G2E3: variants seen among roughly 807,000 people sequenced by gnomAD.
The protein encoded by G2E3 is G2/M-phase specific E3 ubiquitin protein ligase.
A neutral mutation model predicts 92.8 loss-of-function variants in G2E3; 35 were observed. The ratio of observed to expected loss-of-function variants is 0.38; its 90% CI spans 0.29 to 0.50. The LOEUF (loss-of-function observed/expected upper bound fraction) is 0.50, where lower values mean the gene tolerates loss of function less well. G2E3 is among the 20% of genes least tolerant of loss of function. The probability of loss-of-function intolerance (pLI) is 0.94; values close to 1 mark genes in which losing one functional copy is unlikely to be tolerated. For synonymous variants in G2E3, 242 were observed against 272.4 expected (o/e 0.89, Z 1.10); for missense variants, 554 against 823.8 (o/e 0.67, Z 4.01).
At chr14:30,615,221 T>C (rs1882258616) in intron 13 of G2E3, 128 bp from the exon 14 acceptor site, 1 of 545,560 alleles carries the variant, frequency 1.8e-6, no homozygotes, top group African/African-American at 1.9e-5. Context: ...TTGTGGGGGT[T>C]TTTTGGTTGT....
At chr14:30,580,807 C>T in intron 1 of G2E3, 1 of 363,006 alleles carries the variant, frequency 2.8e-6, no homozygotes, top group South Asian at 3.2e-5. Flanking sequence ...GCAAGATGTC[C>T]TATAATCCTG....
intron 2 of G2E3, among the ~76,000 whole-genome samples, chr14:30,583,838 TTG>T (rs1880563821): frequency 1.3e-5 from 2 of 152,212 alleles, no homozygotes; most frequent in Admixed American, 6.5e-5. Flanking sequence ...AGTTGTATTT[TTG>T]TGTGTGTTGG....
At chr14:30,564,307 C>CT in intron 1 of G2E3, among the ~76,000 whole-genome samples, 2 of 152,002 alleles carry the variant, frequency 1.3e-5, no homozygotes, top group Admixed American at 1.3e-4. Context: ...TACATTTGAC[C>CT]TTTTTTTGAG....
chr14:30,581,103 C>G lies in G2E3; in HGVS notation c.24C>G (p.Asp8Glu), dbSNP rs773865583. 2 of 1,469,194 alleles carry G rather than the reference C, an allele frequency of 1.4e-6. No individual in the cohort carries two copies. Among genetic ancestry groups the G allele is most frequent in the Admixed American group, 3.4e-5 (2 of 59,390 alleles). The allele number at this position is 1,469,194 out of a possible 1,614,324, so 91.0% of individuals were successfully genotyped here. A position where few individuals can be genotyped will look rare whatever the true frequency, so the allele number is the denominator to read the frequency against. ...AAATGAATGAAAGTAAACCTGGTGA[C>G]TCACAGAACCTTGGTAAGTAACTGT... MNESKPG[D>E]SQNLACVFCR... The change falls in exon 2 of 15, where the codon GAC becomes GAG. Residue 8 changes from aspartate to glutamate, a missense_variant. Transcript: ENST00000206595.
At chr14:30,563,468 ATTCATGTGAT>A (rs1248699773) in intron 1 of G2E3, among the ~76,000 whole-genome samples, 4 of 152,098 alleles carry the variant, frequency 2.6e-5, no homozygotes, top group African/African-American at 9.7e-5. Context: ...AGGCTAGACC[ATTCATGTGAT>A]TTCTTGATTT....
rs548258405 is a variant in G2E3 at position 30,589,550 on chromosome 14, A to G, written c.237+66A>G. On this transcript the variant is annotated intron_variant, in intron 4 of 14. Coordinates refer to ENST00000206595, the MANE Select transcript of G2E3 (RefSeq NM_017769.5). The stretch of plus-strand genomic sequence containing the variant: ...TGTCAATACTTGGGAAGTCTTTTCT[A>G]TCAGTTTCTGTACTAGAAATTTATG... The G allele has an allele frequency of 1.1e-4, 89 of 823,508 alleles. No individual in the cohort carries two copies. The African/African-American group carries it at 1.2e-3, about 11-fold the overall frequency. 51.0% of individuals were successfully genotyped at this position (823,508 alleles called of 1,614,324 possible).
chr14:30,582,505 C>T lies in G2E3; in HGVS notation c.37+1389C>T, dbSNP rs150159904. On this transcript the variant is annotated intron_variant, in intron 2 of 14. Coordinates refer to ENST00000206595, the MANE Select transcript of G2E3 (RefSeq NM_017769.5). The stretch of plus-strand genomic sequence containing the variant: ...AGCATACAGCAGATGTACCTCCATC[C>T]AGGGTTCATGGCAAGAGTTTCCCCT... Among the ~76,000 whole-genome samples, 450 of 152,292 alleles carry T rather than the reference C, an allele frequency of 3.0e-3. 2 individuals carry two copies. Among genetic ancestry groups the T allele is most frequent in the African/African-American group, 0.01 (434 of 41,562 alleles).
chr14:30,561,261 G>C (rs1249202733), intron 1 of G2E3, among the ~76,000 whole-genome samples: 2 of 152,162 alleles, frequency 1.3e-5, no homozygotes, highest in Admixed American at 1.3e-4. Context: ...TCGGTAATTT[G>C]TTCTCACACA....
At chr14:30,593,737 C>G (rs1881134274) in intron 6 of G2E3, 98 bp downstream of exon 6, 1 of 804,604 alleles carries the variant, frequency 1.2e-6, no homozygotes, top group Non-Finnish European at 2.0e-6. Flanking sequence ...TATATTACCT[C>G]TTACTACTTG....
chr14:30,613,113 A>AAGAC (rs937457248), intron 13 of G2E3, among the ~76,000 whole-genome samples: 3 of 152,162 alleles, frequency 2.0e-5, no homozygotes, highest in African/African-American at 7.2e-5. Flanking sequence ...CACTGGTCTA[A>AAGAC]GTTAGACAAC....
At chr14:30,612,917 C>T (rs1882159437) in intron 13 of G2E3, among the ~76,000 whole-genome samples, 1 of 152,154 alleles carries the variant, frequency 6.6e-6, no homozygotes, top group African/African-American at 2.4e-5. Flanking sequence ...ACCACTGCTT[C>T]AGATTATAAT....
chr14:30,584,667 GCT>G (rs2138828879), intron 2 of G2E3, among the ~76,000 whole-genome samples: 1 of 151,942 alleles, frequency 6.6e-6, no homozygotes, highest in South Asian at 2.1e-4. Context: ...GTGTTTAATG[GCT>G]CTTTGTATAT....
At position 30,617,964 on chromosome 14, in the gene G2E3, A is replaced by G. The variant is rs376401126; in HGVS notation, c.*1430A>G. 5.9e-5 allele frequency: 9 copies of G among 152,100 alleles called. No individual in the cohort carries two copies. The East Asian group carries it at 7.7e-4, about 13-fold the overall frequency. 9.4% of individuals were successfully genotyped at this position (152,100 alleles called of 1,614,324 possible). A position where few individuals can be genotyped will look rare whatever the true frequency, so the allele number is the denominator to read the frequency against. ...TTATGGGAAGTAAAATGTTTTAACC[A>G]TATTTTTCTTAATACACAAAGCAGG... On this transcript the variant is annotated 3_prime_UTR_variant, in exon 15 of 15. Coordinates refer to ENST00000206595, the MANE Select transcript of G2E3 (RefSeq NM_017769.5).
chr14:30,563,443 C>A (rs117388740), intron 1 of G2E3, among the ~76,000 whole-genome samples: 1 of 152,186 alleles, frequency 6.6e-6, no homozygotes, highest in Non-Finnish European at 1.5e-5. Flanking sequence ...TATATCAGAG[C>A]TGCATATCTG....
In G2E3 at chr14:30,619,140, T is replaced by C. The variant is rs773626616; in HGVS notation, c.*2606T>C. The C allele has an allele frequency of 2.6e-5, 4 of 152,120 alleles. No individual in the cohort carries two copies. Among genetic ancestry groups the C allele is most frequent in the Non-Finnish European group, 4.4e-5 (3 of 67,946 alleles). The allele number at this position is 152,120 out of a possible 1,614,324, so 9.4% of individuals were successfully genotyped here. On this transcript the variant is annotated 3_prime_UTR_variant, in exon 15 of 15. Coordinates refer to ENST00000206595, the MANE Select transcript of G2E3 (RefSeq NM_017769.5). Reference sequence around the variant, plus strand: ...TCTTTAAAATATCTCACCAGAAACTTACAATTTTATACTTTGTAATTTTTA... The same window carrying C: ...TCTTTAAAATATCTCACCAGAAACTCACAATTTTATACTTTGTAATTTTTA...
intron 12 of G2E3, 34 bp from the exon 13 acceptor site, chr14:30,612,173 G>T: frequency 6.6e-7 from 1 of 1,505,380 alleles, no homozygotes; most frequent in South Asian, 1.2e-5. Context: ...AAAAGTAAAT[G>T]AGTAAAGTGG....
chr14:30,563,173 T>A (rs914535178), intron 1 of G2E3, among the ~76,000 whole-genome samples: 11 of 152,080 alleles, frequency 7.2e-5, no homozygotes, highest in African/African-American at 2.2e-4. Context: ...TTTTTTTTTT[T>A]AATTATGAGT....
Position 30,573,867 on chromosome 14 carries a change from C to G in G2E3, c.-4-7209C>G, listed in dbSNP as rs188154038. Among the ~76,000 whole-genome samples the G allele has an allele frequency of 2.0e-3, 300 of 152,234 alleles. 1 individual carries two copies. Among genetic ancestry groups the G allele is most frequent in the African/African-American group, 7.0e-3 (290 of 41,532 alleles). On this transcript the variant is annotated intron_variant, in intron 1 of 14. Coordinates refer to ENST00000206595, the MANE Select transcript of G2E3 (RefSeq NM_017769.5). ...AGACACATCCAAACATAAGTTTAACCAGATATCTGGGCGTCCTGTGGCCTG... is the reference window on the plus strand; with the variant it reads ...AGACACATCCAAACATAAGTTTAACGAGATATCTGGGCGTCCTGTGGCCTG...
At chr14:30,575,891 A>G (rs1880055463) in intron 1 of G2E3, among the ~76,000 whole-genome samples, 1 of 152,240 alleles carries the variant, frequency 6.6e-6, no homozygotes, top group Non-Finnish European at 1.5e-5. Context: ...ATGGAAAAAC[A>G]TCCCATGCTC....
Sources: allele counts gnomAD v4.1 joint callset (sites outside exome capture counted in the v4.1 genomes callset), GRCh38; gene constraint gnomAD v4.1.1; transcripts MANE v1.5; gene names NCBI Gene and HGNC (gene_info 2026-07-23, HGNC 2026-07-21).